Variants in ZFHX3 observed in about 807,000 individuals in gnomAD.
ZFHX3 encodes the protein zinc finger homeobox protein 3.
Under a neutral mutation model 279.1 loss-of-function variants are expected in ZFHX3, and 42 were observed. The ratio of observed to expected loss-of-function variants is 0.15; its 90% confidence interval spans 0.12 to 0.19. The LOEUF (loss-of-function observed/expected upper bound fraction) is 0.19, where lower values mean the gene tolerates loss of function less well. ZFHX3 is among the 10% of genes least tolerant of loss of function. The pLI, the probability that ZFHX3 is intolerant of heterozygous loss-of-function variation, is 1.00. For missense variants in ZFHX3, 4,981 were observed against 4,754.0 expected (o/e 1.05, Z -1.40); for synonymous variants, 2,293 against 1,957.8 (o/e 1.17, Z -4.52).
chr16:73,467,333 T>C (rs2018590980), intron 2 of ZFHX3, among the ~76,000 whole-genome samples: 1 of 152,222 alleles, frequency 6.6e-6, no homozygotes, highest in Admixed American at 6.5e-5. Flanking sequence ...CTTCAGGTGT[T>C]GGAATAGACA....
chr16:73,019,511 G>A (rs1246313636), intron 1 of ZFHX3, among the ~76,000 whole-genome samples: 1 of 152,126 alleles, frequency 6.6e-6, no homozygotes, highest in Non-Finnish European at 1.5e-5. Flanking sequence ...CTGGACCCCT[G>A]CAGCCCTCCC....
chr16:72,857,325 G>A (rs1379733534), intron 4 of ZFHX3, among the ~76,000 whole-genome samples: 1 of 152,134 alleles, frequency 6.6e-6, no homozygotes, highest in Non-Finnish European at 1.5e-5. Context: ...TTTCATAGAG[G>A]ACCAGCCCCA....
intron 1 of ZFHX3, among the ~76,000 whole-genome samples, chr16:72,972,446 T>G (rs899649417): frequency 2.6e-5 from 4 of 152,194 alleles, no homozygotes; most frequent in African/African-American, 9.6e-5. Context: ...AATTTTCCTG[T>G]ATTCAAGTGA....
intron 8 of ZFHX3, chr16:73,081,429 T>G (rs1791419320): frequency 6.6e-6 from 1 of 152,086 alleles, no homozygotes; most frequent in African/African-American, 2.4e-5. Context: ...CCGGCTAATT[T>G]TGTATTTTTA....
At chr16:73,090,266 G>A (rs937073727) in intron 8 of ZFHX3, among the ~76,000 whole-genome samples, 3 of 152,080 alleles carry the variant, frequency 2.0e-5, no homozygotes, top group African/African-American at 4.8e-5. Context: ...GGTGGCATGC[G>A]CCCATGGTCC....
chr16:73,336,951 C>A (rs2015925166), intron 3 of ZFHX3, among the ~76,000 whole-genome samples: 3 of 152,106 alleles, frequency 2.0e-5, no homozygotes, highest in Admixed American at 1.3e-4. Context: ...TTAATATCAC[C>A]CTCAGAAAGA....
chr16:73,212,184 C>A (rs566883416), intron 5 of ZFHX3, among the ~76,000 whole-genome samples: 3 of 150,742 alleles, frequency 2.0e-5, no homozygotes, highest in African/African-American at 7.3e-5. Flanking sequence ...AAGCACCCAT[C>A]CTAATCCTAC....
At chr16:73,224,005 G>A (rs1003724858) in intron 5 of ZFHX3, among the ~76,000 whole-genome samples, 17 of 152,176 alleles carry the variant, frequency 1.1e-4, no homozygotes, top group East Asian at 1.9e-4. Flanking sequence ...AAAGATCAGC[G>A]GTTGCTATAG....
rs1961419211 is a variant in ZFHX3, at chr16:72,959,020, C to T, written c.1126G>A (p.Glu376Lys). 1 of 1,612,738 alleles carries T rather than the reference C, an allele frequency of 6.2e-7. No homozygotes were observed. The highest frequency in any genetic ancestry group is 2.2e-5 in the East Asian group (1 of 44,868). ...GCGGAGCCCGCTGGGAGAGCTTCCT[C>T]CCCTTCCATTCGAATGCCACTAAAT... ...GKFSGIRMEGEEALPAGSAAG... is the reference protein window; with the variant it reads ...GKFSGIRMEGKEALPAGSAAG... Residue 376 changes from glutamate to lysine, a missense_variant, in exon 2 of 10, where the codon GAG becomes AAG. Glu to Lys is a moderately conservative substitution (Grantham distance 56). This residue lies in a region of ZFHX3 where 1,068 missense variants were observed against 935.2 expected (regional missense o/e 1.14). Coordinates refer to ENST00000268489, the MANE Select transcript of ZFHX3 (RefSeq NM_006885.4).
At chr16:72,816,500 G>A (rs1055518753) in intron 5 of ZFHX3, among the ~76,000 whole-genome samples, 4 of 152,210 alleles carry the variant, frequency 2.6e-5, no homozygotes, top group Admixed American at 6.5e-5. Flanking sequence ...TTAACAGGAC[G>A]TGAGCTATGG....
intron 4 of ZFHX3, among the ~76,000 whole-genome samples, chr16:72,848,599 C>T (rs1000600913): frequency 4.6e-5 from 7 of 151,962 alleles, no homozygotes; most frequent in African/African-American, 1.5e-4. Context: ...ACCCCTTCGG[C>T]GGCCTCCCAG....
At position 73,851,094 on chromosome 16, in the gene ZFHX3, A is replaced by AGTCT. The variant is rs201543806; in HGVS notation, c.-1608+40553_-1608+40556dup. Among the ~76,000 whole-genome samples the AGTCT allele has an allele frequency of 1.3e-3, 195 of 152,336 alleles. 1 individual carries two copies. Among genetic ancestry groups the AGTCT allele is most frequent in the African/African-American group, 4.5e-3 (188 of 41,570 alleles). On this transcript the variant is annotated intron_variant, in intron 1 of 17. Coordinates refer to the ZFHX3 transcript ENST00000641206. ...CACAATATCTTCACTTCCGAGTTAT[A>AGTCT]GTCTGTCTTACTGCTGTCAAAACAT... is the stretch of plus-strand genomic sequence containing the variant.
At chr16:72,922,324 T>A (rs2039605400) in intron 3 of ZFHX3, among the ~76,000 whole-genome samples, 1 of 152,064 alleles carries the variant, frequency 6.6e-6, no homozygotes, top group Non-Finnish European at 1.5e-5. Context: ...CTCCTAACCA[T>A]CCCCGCATTA....
At chr16:73,373,143 G>T (rs1597306293) in intron 3 of ZFHX3, among the ~76,000 whole-genome samples, 1 of 996 alleles carries the variant, frequency 1.0e-3, no homozygotes, top group Admixed American at 4.3e-3. Flanking sequence ...GAGGAGGTTT[G>T]GGGGGGGGGT....
In ZFHX3 at chr16:73,811,075, GA is replaced by G. The variant is rs888532491; in HGVS notation, c.-1608+80575del. Among the ~76,000 whole-genome samples, 73 of 150,236 alleles carry G rather than the reference GA, an allele frequency of 4.9e-4. 1 individual carries two copies. In the East Asian group the frequency reaches 6.4e-3, roughly 13 times the overall value. On this transcript the variant is annotated intron_variant, in intron 1 of 17. Transcript: ENST00000641206. ...TTTAAAAATACAAAGATATCAAATA[GA>G]AAAAAAAAATTTCATGATCCAAAGC...
rs11453519 is a variant in ZFHX3 at position 72,840,123 on chromosome 16, C to CAAA, written c.3449-10267_3449-10265dup. 2.0e-4 allele frequency among the ~76,000 whole-genome samples: 27 copies of CAAA among 137,912 alleles called. No homozygotes were observed. The South Asian group carries it at 4.8e-3, about 25-fold the overall frequency. 90.5% of individuals were successfully genotyped at this position (137,912 alleles called of 152,430 possible). On this transcript the variant is annotated intron_variant, in intron 4 of 9. Coordinates refer to ENST00000268489, the MANE Select transcript of ZFHX3 (RefSeq NM_006885.4). ...TCAGAGAGAGATCTTATGCTTAATGCAAAAAAAAAAAATCCGTTTCCTTAT... is the reference window on the plus strand; with the variant it reads ...TCAGAGAGAGATCTTATGCTTAATGCAAAAAAAAAAAAAAATCCGTTTCCTTAT...
chr16:72,917,732 T>G (rs1379622799), intron 3 of ZFHX3, among the ~76,000 whole-genome samples: 2 of 152,248 alleles, frequency 1.3e-5, no homozygotes, highest in Non-Finnish European at 2.9e-5. Flanking sequence ...TGTTTAAAAT[T>G]TAAAGCATCT....
chr16:72,845,968 T>C (rs2037469441), intron 4 of ZFHX3, among the ~76,000 whole-genome samples: 1 of 152,160 alleles, frequency 6.6e-6, no homozygotes, highest in African/African-American at 2.4e-5. Flanking sequence ...GCACCAACCA[T>C]GGTGGCCTTC....
intron 2 of ZFHX3, among the ~76,000 whole-genome samples, chr16:73,477,134 G>GA (rs1404714953): frequency 2.0e-5 from 3 of 152,206 alleles, no homozygotes; most frequent in African/African-American, 7.2e-5. Flanking sequence ...CTTTGTAGAA[G>GA]AATCTGTAAG....
Sources: gnomAD v4.1 joint callset for allele counts (sites outside exome capture counted in the v4.1 genomes callset) on GRCh38, gnomAD v4.1.1 for gene constraint, gnomAD v4.1.1 regional missense constraint, MANE v1.5 for transcripts, NCBI Gene and HGNC (gene_info 2026-07-23, HGNC 2026-07-21) for gene names.